Variants in MDGA2 observed in about 807,000 individuals in gnomAD.
MDGA2 encodes MAM domain containing glycosylphosphatidylinositol anchor 2, also known as MAM domain-containing glycosylphosphatidylinositol anchor protein 2.
Under a neutral mutation model 117.8 loss-of-function variants are expected in MDGA2, and 40 were observed. The observed-to-expected ratio is 0.34, with a 90% confidence interval of 0.26 to 0.44. The LOEUF (loss-of-function observed/expected upper bound fraction) is 0.44. MDGA2 is among the 20% of genes least tolerant of loss of function. MDGA2 has a pLI of 1.00. For missense variants in MDGA2, 1,123 were observed against 1,250.6 expected, an observed-to-expected ratio of 0.90 and a Z score of 1.54; for synonymous variants, 452 against 439.0, an observed-to-expected ratio of 1.03 and a Z score of -0.37.
intron 1 of MDGA2, among the ~76,000 whole-genome samples, chr14:47,531,823 T>C (rs746137091): frequency 6.6e-4 from 101 of 152,370 alleles, no homozygotes; most frequent in Non-Finnish European, 1.3e-3. Context: ...AAAAACCATA[T>C]AAATTTGAAA....
chr14:46,989,376 T>C (rs188726059), intron 8 of MDGA2, among the ~76,000 whole-genome samples: 2 of 151,806 alleles, frequency 1.3e-5, no homozygotes, highest in African/African-American at 2.4e-5. Context: ...TTGCCTTGGG[T>C]AACATGATTT....
Position 47,184,396 on chromosome 14 carries a change from A to G in MDGA2, c.595+33625T>C, listed in dbSNP as rs532571660. ...TTTTAGAACATTTTTTTGTCCATGT[A>G]GTTAACCGGAAATCAACCCAGATAA... On this transcript the variant is annotated intron_variant, in intron 3 of 16. Transcript: ENST00000399232. Among the ~76,000 whole-genome samples the G allele has an allele frequency of 5.3e-5, 8 of 152,018 alleles. No homozygotes were observed. In the South Asian group the frequency reaches 1.5e-3, roughly 28 times the overall value.
intron 1 of MDGA2, among the ~76,000 whole-genome samples, chr14:47,601,300 G>A (rs1296754854): frequency 2.0e-5 from 3 of 152,040 alleles, no homozygotes; most frequent in Non-Finnish European, 4.4e-5. Flanking sequence ...TGGTTATAGG[G>A]CAAGATAAAG....
intron 1 of MDGA2, among the ~76,000 whole-genome samples, chr14:47,665,661 G>T (rs1046264804): frequency 1.3e-5 from 2 of 152,194 alleles, no homozygotes; most frequent in African/African-American, 4.8e-5. Context: ...GCAATGGGGG[G>T]CTTAGCACCT....
intron 9 of MDGA2, among the ~76,000 whole-genome samples, chr14:46,941,714 A>G (rs570624383): frequency 1.3e-5 from 2 of 152,042 alleles, no homozygotes; most frequent in East Asian, 3.9e-4. Flanking sequence ...ATAGGATATT[A>G]ATATACATAG....
intron 1 of MDGA2, among the ~76,000 whole-genome samples, chr14:47,488,162 A>G (rs1351512930): frequency 1.3e-5 from 2 of 152,156 alleles, no homozygotes; most frequent in Non-Finnish European, 2.9e-5. Context: ...AGGTCACCCT[A>G]TAAGGGGTAT....
intron 1 of MDGA2, among the ~76,000 whole-genome samples, chr14:47,670,790 C>A (rs1898060501): frequency 6.6e-6 from 1 of 151,952 alleles, no homozygotes; most frequent in African/African-American, 2.4e-5. Flanking sequence ...AAAATTCAAA[C>A]AAAACTTTAA....
At chr14:47,662,405 ATG>A (rs546007327) in intron 1 of MDGA2, among the ~76,000 whole-genome samples, 2 of 151,990 alleles carry the variant, frequency 1.3e-5, no homozygotes. Context: ...GCACATGTGC[ATG>A]TGTGTGTGTG....
chr14:47,028,023 A>G (rs1390915232), intron 8 of MDGA2, among the ~76,000 whole-genome samples: 1 of 152,076 alleles, frequency 6.6e-6, no homozygotes, highest in Non-Finnish European at 1.5e-5. Flanking sequence ...TTCTTTTTTA[A>G]GATAAGATCT....
intron 10 of MDGA2, among the ~76,000 whole-genome samples, chr14:46,918,787 G>GTTTTT (rs1884004630): frequency 8.0e-6 from 1 of 125,106 alleles, no homozygotes; most frequent in African/African-American, 3.7e-5. Context: ...TGGAATCGGA[G>GTTTTT]TCTTTTTCTG....
chr14:46,846,119 TAATTA>T (rs1490879344), intron 15 of MDGA2, among the ~76,000 whole-genome samples: 1 of 151,084 alleles, frequency 6.6e-6, no homozygotes, highest in African/African-American at 2.5e-5. Context: ...AAACTAAACT[TAATTA>T]AATAATACAA....
chr14:47,265,168 C>T (rs1322486032), intron 2 of MDGA2, among the ~76,000 whole-genome samples: 2 of 152,082 alleles, frequency 1.3e-5, no homozygotes, highest in African/African-American at 4.8e-5. Context: ...ATGCACTGTA[C>T]ATCATTACAT....
rs917201272 is a variant in MDGA2, at chr14:47,202,903, A to G, written c.595+15118T>C. 1.0e-4 allele frequency among the ~76,000 whole-genome samples: 15 copies of G among 149,914 alleles called. No individual in the cohort carries two copies. The East Asian group carries it at 2.1e-3, about 21-fold the overall frequency. On this transcript the variant is annotated intron_variant, in intron 3 of 16. Transcript: ENST00000399232. ...ATGCTATAGAACTTATATAACACAT[A>G]GCTAAATGCAATGTTAAGGAAGATC...
chr14:47,364,932 C>A (rs1170119629), intron 1 of MDGA2, among the ~76,000 whole-genome samples: 5 of 152,176 alleles, frequency 3.3e-5, no homozygotes, highest in Non-Finnish European at 7.4e-5. Context: ...AATAGAATTT[C>A]ATGGTCTCAT....
intron 1 of MDGA2, among the ~76,000 whole-genome samples, chr14:47,457,321 A>G (rs1893375943): frequency 6.6e-6 from 1 of 152,212 alleles, no homozygotes; most frequent in Admixed American, 6.5e-5. Context: ...AGACAGGTAT[A>G]CTGCTTGAGA....
chr14:46,925,891 C>T (rs140296420), intron 9 of MDGA2, among the ~76,000 whole-genome samples: 27 of 152,106 alleles, frequency 1.8e-4, no homozygotes, highest in Admixed American at 4.6e-4. Context: ...TAAAGCATGT[C>T]CTTAGGTGGA....
chr14:46,860,298 T>C (rs2138318923), intron 14 of MDGA2, among the ~76,000 whole-genome samples: 1 of 152,144 alleles, frequency 6.6e-6, no homozygotes, highest in East Asian at 1.9e-4. Flanking sequence ...AATCAGCACA[T>C]TTATTATTAT....
At chr14:46,865,972 T>C (rs1480668821) in intron 14 of MDGA2, among the ~76,000 whole-genome samples, 2 of 151,462 alleles carry the variant, frequency 1.3e-5, no homozygotes, top group South Asian at 2.1e-4. Flanking sequence ...CTGCCCAAGG[T>C]AATTTATAGA....
At chr14:47,139,770 A>G (rs990499698) in intron 4 of MDGA2, among the ~76,000 whole-genome samples, 13 of 144,492 alleles carry the variant, frequency 9.0e-5, no homozygotes, top group African/African-American at 3.3e-4. Context: ...TTATATATAC[A>G]TATATACACA....
Sources: gnomAD v4.1 joint callset for allele counts (sites outside exome capture counted in the v4.1 genomes callset) on GRCh38, gnomAD v4.1.1 for gene constraint, MANE v1.5 for transcripts, NCBI Gene and HGNC (gene_info 2026-07-23, HGNC 2026-07-21) for gene names.